Variants in AUTS2 observed in about 807,000 individuals in gnomAD.
The protein encoded by AUTS2 is activator of transcription and developmental regulator AUTS2.
In AUTS2, 17 loss-of-function variants were observed where a neutral mutation model predicts 112.4. The observed-to-expected ratio is 0.15, with a 90% CI of 0.10 to 0.23. AUTS2 has a LOEUF of 0.23. Among genes scored for constraint, AUTS2 ranks in the 10% least tolerant of loss-of-function variants. AUTS2 has a pLI of 1.00. For missense variants in AUTS2, 1,510 were observed against 1,701.6 expected, an observed-to-expected ratio of 0.89 and a Z score of 1.98; for synonymous variants, 751 against 702.7, an observed-to-expected ratio of 1.07 and a Z score of -1.09.
intron 4 of AUTS2, among the ~76,000 whole-genome samples, chr7:70,361,647 C>T (rs1792273915): frequency 6.6e-6 from 1 of 152,020 alleles, no homozygotes; most frequent in Admixed American, 6.6e-5. Context: ...ATTATACAGT[C>T]CAAGGAGGAC....
At chr7:69,672,182 C>T (rs751685875) in intron 1 of AUTS2, among the ~76,000 whole-genome samples, 18 of 152,060 alleles carry the variant, frequency 1.2e-4, no homozygotes, top group African/African-American at 3.9e-4. Flanking sequence ...GCCTCAGCCT[C>T]CTGAGTAGCT....
intron 1 of AUTS2, among the ~76,000 whole-genome samples, chr7:69,738,352 A>T (rs563074597): frequency 1.1e-3 from 171 of 152,098 alleles, no homozygotes; most frequent in Admixed American, 2.4e-3. Context: ...TATGTGAATT[A>T]ATTTGTTTAC....
intron 4 of AUTS2, among the ~76,000 whole-genome samples, chr7:70,205,610 A>T (rs912052288): frequency 1.3e-5 from 2 of 152,244 alleles, no homozygotes; most frequent in South Asian, 2.1e-4. Flanking sequence ...TAGGAGCAAT[A>T]GGCTATACCA....
At chr7:70,715,363 G>C (rs957209380) in intron 6 of AUTS2, among the ~76,000 whole-genome samples, 2 of 152,128 alleles carry the variant, frequency 1.3e-5, no homozygotes, top group Non-Finnish European at 2.9e-5. Context: ...ATCGTCAAAT[G>C]AGGTCATACA....
At chr7:70,064,164 G>T (rs995364077) in intron 2 of AUTS2, among the ~76,000 whole-genome samples, 1 of 152,088 alleles carries the variant, frequency 6.6e-6, no homozygotes, top group African/African-American at 2.4e-5. Flanking sequence ...AGTGAGTCCC[G>T]CTTGTCTGTC....
At chr7:69,634,200 A>G (rs1794411532) in intron 1 of AUTS2, among the ~76,000 whole-genome samples, 1 of 151,556 alleles carries the variant, frequency 6.6e-6, no homozygotes, top group Non-Finnish European at 1.5e-5. Context: ...GCTCACTGCA[A>G]GCTCCGCCTC....
Position 70,173,033 on chromosome 7 carries a change from G to T in AUTS2, c.660+38462G>T, listed in dbSNP as rs959440656. ...AGGGTGTATACTAAATGTCTGTGGG[G>T]TTTCAATTTCTTCCTATTGAATTCT... On this transcript the variant is annotated intron_variant, in intron 4 of 18. Coordinates refer to ENST00000342771, the MANE Select transcript of AUTS2 (RefSeq NM_015570.4). Among the ~76,000 whole-genome samples, 4 of 152,170 alleles carry T rather than the reference G, an allele frequency of 2.6e-5. No homozygotes were observed. The South Asian group carries it at 8.3e-4, about 32-fold the overall frequency.
chr7:69,914,621 A>C (rs77639256), intron 2 of AUTS2, among the ~76,000 whole-genome samples: 2,602 of 151,838 alleles, frequency 0.017, 87 homozygotes, highest in African/African-American at 0.06. Flanking sequence ...TAGTGCAGCC[A>C]GGAAAAGCTG....
At chr7:69,646,181 C>A (rs1215936477) in intron 1 of AUTS2, among the ~76,000 whole-genome samples, 1 of 152,060 alleles carries the variant, frequency 6.6e-6, no homozygotes, top group East Asian at 1.9e-4. Flanking sequence ...TGACTGCTAC[C>A]TGCAGTTTCC....
intron 1 of AUTS2, among the ~76,000 whole-genome samples, chr7:69,786,549 C>T (rs752198865): frequency 5.6e-4 from 85 of 152,228 alleles, no homozygotes; most frequent in Non-Finnish European, 1.6e-4. Flanking sequence ...TTTGTTCTTT[C>T]ACTCTAAATC....
In AUTS2 at chr7:70,777,182, C is replaced by T. The variant is rs368519860; in HGVS notation, c.2004+8C>T. ...CACCAACAGAAAGTCAAGGTCAGTC[C>T]GACCTTCGTGGTGTAGGGAAGAATG... On this transcript the variant is annotated splice_region_variant and intron_variant, in intron 14 of 18. Transcript: ENST00000342771. 93 of 1,612,772 alleles carry T rather than the reference C, an allele frequency of 5.8e-5. No individual in the cohort carries two copies. Among genetic ancestry groups the T allele is most frequent in the Middle Eastern group, 1.6e-4 (1 of 6,062 alleles).
At chr7:70,065,837 C>G (rs1181825450) in intron 2 of AUTS2, among the ~76,000 whole-genome samples, 1 of 152,144 alleles carries the variant, frequency 6.6e-6, no homozygotes, top group Non-Finnish European at 1.5e-5. Flanking sequence ...TCTTGGGTAG[C>G]TAGGACTGCA....
At chr7:70,514,433 C>T (rs535068633) in intron 5 of AUTS2, among the ~76,000 whole-genome samples, 9 of 152,318 alleles carry the variant, frequency 5.9e-5, no homozygotes, top group Non-Finnish European at 1.0e-4. Context: ...AGCTTCCAAT[C>T]ATGGAAGAAA....
intron 6 of AUTS2, among the ~76,000 whole-genome samples, chr7:70,754,233 A>G (rs1336005110): frequency 6.6e-6 from 1 of 152,034 alleles, no homozygotes; most frequent in Non-Finnish European, 1.5e-5. Flanking sequence ...GCTCACACCT[A>G]TAATCCCAGC....
intron 1 of AUTS2, among the ~76,000 whole-genome samples, chr7:69,839,981 G>A (rs1206158785): frequency 6.6e-6 from 1 of 152,150 alleles, no homozygotes; most frequent in Non-Finnish European, 1.5e-5. Flanking sequence ...CAGCTTCAGT[G>A]TCAGCTGGGA....
At chr7:70,376,545 A>G (rs542448343) in intron 4 of AUTS2, among the ~76,000 whole-genome samples, 6 of 151,898 alleles carry the variant, frequency 4.0e-5, no homozygotes, top group African/African-American at 1.4e-4. Context: ...TTAGGTCAGC[A>G]AGATTTCCCT....
At chr7:69,773,788 G>C (rs897817538) in intron 1 of AUTS2, among the ~76,000 whole-genome samples, 1 of 152,144 alleles carries the variant, frequency 6.6e-6, no homozygotes, top group East Asian at 1.9e-4. Context: ...GTATCAGCGG[G>C]GTCCAGCCTT....
At chr7:70,264,414 G>A (rs1420162687) in intron 4 of AUTS2, among the ~76,000 whole-genome samples, 1 of 152,044 alleles carries the variant, frequency 6.6e-6, no homozygotes, top group East Asian at 1.9e-4. Flanking sequence ...CACCATGTTG[G>A]CCAGGATGGT....
At chr7:70,522,460 T>C (rs1052412773) in intron 5 of AUTS2, among the ~76,000 whole-genome samples, 2 of 152,220 alleles carry the variant, frequency 1.3e-5, no homozygotes, top group African/African-American at 2.4e-5. Flanking sequence ...CTTCCCTCTC[T>C]CCACTCCTCT....
Sources: gnomAD v4.1 joint callset for allele counts (sites outside exome capture counted in the v4.1 genomes callset) on GRCh38, gnomAD v4.1.1 for gene constraint, MANE v1.5 for transcripts, NCBI Gene and HGNC (gene_info 2026-07-23, HGNC 2026-07-21) for gene names.